Variants in ELMO1 observed in about 807,000 individuals in gnomAD.
ELMO1 encodes engulfment and cell motility protein 1.
Under a neutral mutation model 98.9 loss-of-function variants are expected in ELMO1, and 26 were observed. That is an observed-to-expected ratio of 0.26 (90% CI 0.19 to 0.36). ELMO1 has a LOEUF of 0.36. Among genes scored for constraint, ELMO1 ranks in the 10% least tolerant of loss-of-function variants. ELMO1 has a pLI of 1.00. For missense variants in ELMO1, 627 were observed against 935.2 expected (o/e 0.67, Z 4.30); for synonymous variants, 346 against 346.0 (o/e 1.00, Z 0.00).
At chr7:37,308,016 G>A (rs1562600624) in intron 4 of ELMO1, among the ~76,000 whole-genome samples, 1 of 152,198 alleles carries the variant, frequency 6.6e-6, no homozygotes, top group East Asian at 1.9e-4. Context: ...GGCAGGATGA[G>A]GCAGGAGAAT....
chr7:36,861,786 A>C, intron 20 of ELMO1, 50 bp from the exon 21 acceptor site: 6 of 1,580,830 alleles, frequency 3.8e-6, no homozygotes, highest in Non-Finnish European at 5.2e-6. Flanking sequence ...GGCACATTTC[A>C]TTTTGCAGTT....
At chr7:36,965,333 C>T (rs181944879) in intron 16 of ELMO1, among the ~76,000 whole-genome samples, 34 of 152,202 alleles carry the variant, frequency 2.2e-4, no homozygotes, top group Admixed American at 9.2e-4. Context: ...TCATAGGCAC[C>T]GAATAAATAT....
intron 16 of ELMO1, among the ~76,000 whole-genome samples, chr7:36,993,944 T>C (rs1792032723): frequency 6.6e-6 from 1 of 152,242 alleles, no homozygotes; most frequent in Admixed American, 6.5e-5. Context: ...CTCTTGCTTA[T>C]GTTTTGTGAG....
At chr7:37,195,965 T>C (rs1381860378) in intron 13 of ELMO1, among the ~76,000 whole-genome samples, 2 of 152,166 alleles carry the variant, frequency 1.3e-5, no homozygotes, top group African/African-American at 4.8e-5. Context: ...TCAGGCTCCA[T>C]CTATGAACAA....
chr7:37,159,262 TG>T (rs1457214105), intron 13 of ELMO1, among the ~76,000 whole-genome samples: 2 of 152,232 alleles, frequency 1.3e-5, no homozygotes, highest in Non-Finnish European at 2.9e-5. Context: ...GTAGCAAACC[TG>T]CACATTGTGC....
chr7:37,096,790 AC>A, intron 14 of ELMO1, 63 bp from the exon 15 acceptor site: 1 of 1,425,200 alleles, frequency 7.0e-7, no homozygotes, highest in Non-Finnish European at 9.9e-7. Flanking sequence ...CAAGAATATC[AC>A]CTTCATTCCA....
chr7:37,084,884 G>A (rs1322084774), intron 15 of ELMO1, among the ~76,000 whole-genome samples: 1 of 151,630 alleles, frequency 6.6e-6, no homozygotes, highest in Non-Finnish European at 1.5e-5. Flanking sequence ...AGCCTCCCAT[G>A]TAGTTGGGAT....
intron 16 of ELMO1, among the ~76,000 whole-genome samples, chr7:36,982,041 C>T (rs1791100041): frequency 6.6e-6 from 1 of 152,132 alleles, no homozygotes; most frequent in Non-Finnish European, 1.5e-5. Flanking sequence ...CTAGGGAAGC[C>T]TTGGTGAGTG....
chr7:37,118,607 G>C (rs982962720), intron 14 of ELMO1, among the ~76,000 whole-genome samples: 2 of 152,192 alleles, frequency 1.3e-5, no homozygotes, highest in African/African-American at 4.8e-5. Flanking sequence ...GAGTGGGAAC[G>C]GGAACAATCA....
At chr7:37,050,454 T>C (rs1443996066) in intron 15 of ELMO1, among the ~76,000 whole-genome samples, 1 of 152,166 alleles carries the variant, frequency 6.6e-6, no homozygotes, top group Non-Finnish European at 1.5e-5. Context: ...AACCAAGAAT[T>C]AGCCATTCCC....
intron 1 of ELMO1, among the ~76,000 whole-genome samples, chr7:37,403,042 A>G (rs1014250807): frequency 6.6e-6 from 1 of 152,248 alleles, no homozygotes; most frequent in African/African-American, 2.4e-5. Flanking sequence ...CCTGCAAGCA[A>G]CCGTGATGTC....
chr7:36,960,912 C>G (rs898220950), intron 16 of ELMO1, among the ~76,000 whole-genome samples: 2 of 152,164 alleles, frequency 1.3e-5, no homozygotes, highest in African/African-American at 4.8e-5. Context: ...ACTTTTCTGC[C>G]GCACTTGGGG....
At chr7:37,055,891 G>A (rs1562926203) in intron 15 of ELMO1, among the ~76,000 whole-genome samples, 1 of 152,068 alleles carries the variant, frequency 6.6e-6, no homozygotes, top group Admixed American at 6.6e-5. Flanking sequence ...CTGTAGTCTC[G>A]GCTGTAAGGG....
Position 37,297,140 on chromosome 7 carries a change from C to G in ELMO1, c.192+17710G>C, listed in dbSNP as rs919525755. 3.3e-5 allele frequency among the ~76,000 whole-genome samples: 5 copies of G among 152,134 alleles called. No homozygotes were observed. In the East Asian group the frequency reaches 9.6e-4, roughly 29 times the overall value. On this transcript the variant is annotated intron_variant, in intron 4 of 21. Transcript: ENST00000310758. ...TGAGGCTCTCTCAAAATCAACTTAGCCTGGCATCTTAATAATAATAATAAA... is the reference window on the plus strand; with the variant it reads ...TGAGGCTCTCTCAAAATCAACTTAGGCTGGCATCTTAATAATAATAATAAA...
At chr7:37,192,996 T>TAG (rs1791725432) in intron 13 of ELMO1, among the ~76,000 whole-genome samples, 1 of 36,374 alleles carries the variant, frequency 2.7e-5, no homozygotes, top group Non-Finnish European at 6.2e-5. Flanking sequence ...TATATATATA[T>TAG]ATATATATAT....
At chr7:37,298,383 A>G (rs1387074613) in intron 4 of ELMO1, among the ~76,000 whole-genome samples, 35 of 144,108 alleles carry the variant, frequency 2.4e-4, no homozygotes, top group African/African-American at 9.0e-4. Flanking sequence ...TACATGTGCC[A>G]TGCTGGTGTG....
intron 15 of ELMO1, among the ~76,000 whole-genome samples, chr7:37,038,754 C>T (rs1795330612): frequency 6.6e-6 from 1 of 152,160 alleles, no homozygotes; most frequent in African/African-American, 2.4e-5. Flanking sequence ...GTTCTGGAGG[C>T]TGAAAGTTCT....
chr7:36,925,009 G>C (rs904741453), intron 16 of ELMO1, among the ~76,000 whole-genome samples: 1 of 152,186 alleles, frequency 6.6e-6, no homozygotes, highest in African/African-American at 2.4e-5. Context: ...GTGGTGGTGG[G>C]AGTGCTACTG....
At chr7:37,255,031 T>C (rs771537863) in intron 6 of ELMO1, among the ~76,000 whole-genome samples, 3 of 152,200 alleles carry the variant, frequency 2.0e-5, no homozygotes, top group Non-Finnish European at 2.9e-5. Context: ...ACAAGGCACA[T>C]ACATAGCATC....
Sources: allele counts gnomAD v4.1 joint callset (sites outside exome capture counted in the v4.1 genomes callset), GRCh38; gene constraint gnomAD v4.1.1; transcripts MANE v1.5; gene names NCBI Gene and HGNC (gene_info 2026-07-23, HGNC 2026-07-21).